Variants in IFT43 observed in about 807,000 individuals in gnomAD.
IFT43 encodes intraflagellar transport protein 43 homolog.
A neutral mutation model predicts 32.3 loss-of-function variants in IFT43; 33 were observed. The ratio of observed to expected loss-of-function variants is 1.02; its 90% CI spans 0.77 to 1.37. IFT43 has a LOEUF of 1.37. IFT43 is among the 40% of genes most tolerant of loss of function. IFT43 has a pLI of 0.00. For missense variants in IFT43, 274 were observed against 265.9 expected (o/e 1.03, Z -0.21); for synonymous variants, 93 against 98.2 (o/e 0.95, Z 0.31).
chr14:76,064,983 G>A (rs748449830), intron 5 of IFT43, among the ~76,000 whole-genome samples: 3 of 152,120 alleles, frequency 2.0e-5, no homozygotes, highest in Non-Finnish European at 4.4e-5. Flanking sequence ...TAGCAAAATC[G>A]TCTGAGCACT....
At position 76,072,407 on chromosome 14, in the gene IFT43, A is replaced by C. The variant is rs373377155; in HGVS notation, c.296-9888A>C. The stretch of plus-strand genomic sequence containing the variant: ...TTGGCAGGGCTAGGCCAGAGTCCCT[A>C]ACTATGCCCTGAAATGTCTGGGTCA... On this transcript the variant is annotated intron_variant, in intron 5 of 8. Transcript: ENST00000314067. Among the ~76,000 whole-genome samples, 7 of 152,298 alleles carry C rather than the reference A, an allele frequency of 4.6e-5. No homozygotes were observed. In the South Asian group the frequency reaches 1.4e-3, roughly 32 times the overall value.
At chr14:76,004,395 TC>T (rs1367317573) in intron 2 of IFT43, among the ~76,000 whole-genome samples, 1 of 152,170 alleles carries the variant, frequency 6.6e-6, no homozygotes, top group African/African-American at 2.4e-5. Context: ...TGGCCATTTT[TC>T]CCCCGATTGT....
intron 3 of IFT43, among the ~76,000 whole-genome samples, chr14:76,045,196 CT>C (rs2140017718): frequency 6.6e-6 from 1 of 152,304 alleles, no homozygotes; most frequent in East Asian, 1.9e-4. Flanking sequence ...CAAGAATTCT[CT>C]TTTCAGGCTA....
chr14:76,082,346 T>C lies in IFT43; in HGVS notation c.347T>C (p.Leu116Ser). Reference sequence around the variant, plus strand: ...GAAGTACAGGAAGAAGACTTTGTTTTGCAGGTGGCAGCCCCTCCCAGGTAG... The same window carrying C: ...GAAGTACAGGAAGAAGACTTTGTTTCGCAGGTGGCAGCCCCTCCCAGGTAG... Reference protein sequence around the residue: ...LEEVQEEDFVLQVAAPPSIQI... With the variant: ...LEEVQEEDFVSQVAAPPSIQI... The change falls in exon 6 of 9, where the codon TTG (leucine) becomes TCG (serine). Residue 116 changes from leucine to serine, a missense_variant. By Grantham distance (145) the Leu-to-Ser change is moderately radical. Coordinates refer to ENST00000314067, the MANE Select transcript of IFT43 (RefSeq NM_001102564.3). 6.2e-7 allele frequency: 1 copy of C among 1,612,864 alleles called. No individual in the cohort carries two copies. Among genetic ancestry groups the C allele is most frequent in the Non-Finnish European group, 8.5e-7 (1 of 1,178,782 alleles).
chr14:75,999,906 G>C lies in IFT43; in HGVS notation c.147+10929G>C, dbSNP rs753992367. Among the ~76,000 whole-genome samples the C allele has an allele frequency of 4.6e-5, 7 of 152,352 alleles. No individual in the cohort carries two copies. The South Asian group carries it at 6.2e-4, about 14-fold the overall frequency. ...GAGCCCACAAAGATTTTAAAGCAAA[G>C]AATGACGTTACCAACTTTGTTTTCT... On this transcript the variant is annotated intron_variant, in intron 2 of 8. Coordinates refer to ENST00000314067, the MANE Select transcript of IFT43 (RefSeq NM_001102564.3).
chr14:76,076,707 T>G (rs2037419640), intron 5 of IFT43: 1 of 1,613,908 alleles, frequency 6.2e-7, no homozygotes, highest in Non-Finnish European at 8.5e-7. Context: ...CTTTTGACTG[T>G]CAGTCTACGG....
chr14:76,002,927 G>T (rs752761816), intron 2 of IFT43, among the ~76,000 whole-genome samples: 3 of 152,216 alleles, frequency 2.0e-5, no homozygotes, highest in African/African-American at 7.2e-5. Flanking sequence ...TGTAGAGAGT[G>T]TGCTGTGAAT....
chr14:76,062,931 A>AGAAAAAAG (rs1555367544), intron 5 of IFT43, among the ~76,000 whole-genome samples: 1 of 70,060 alleles, frequency 1.4e-5, no homozygotes, highest in South Asian at 4.4e-4. Flanking sequence ...AAAAAAAAAA[A>AGAAAAAAG]AAAAAAAAAA....
intron 3 of IFT43, 131 bp from the exon 4 acceptor site, chr14:76,058,511 A>G (rs1016915022): frequency 2.0e-6 from 2 of 995,384 alleles, no homozygotes; most frequent in African/African-American, 3.3e-5. Context: ...GTCTCTAAAG[A>G]GGACTGCAGA....
rs546280038 is a variant in IFT43, at chr14:76,031,234, G to A, written c.215+8840G>A. Among the ~76,000 whole-genome samples, 32 of 152,026 alleles carry A rather than the reference G, an allele frequency of 2.1e-4. No individual in the cohort carries two copies. In the East Asian group the frequency reaches 6.2e-3, roughly 29 times the overall value. On this transcript the variant is annotated intron_variant, in intron 3 of 8. Coordinates refer to ENST00000314067, the MANE Select transcript of IFT43 (RefSeq NM_001102564.3). ...CCCTTTCATTTTAAAAATTGAGATT[G>A]CTGATCCACGTGGAATTTATTTTGG...
chr14:75,988,059 C>A (rs572145538), intron 1 of IFT43, among the ~76,000 whole-genome samples: 2 of 152,338 alleles, frequency 1.3e-5, no homozygotes, highest in South Asian at 2.1e-4. Flanking sequence ...TTACCACCTT[C>A]TTCTCTGACC....
intron 2 of IFT43, among the ~76,000 whole-genome samples, chr14:75,995,051 A>G (rs1008291046): frequency 1.3e-5 from 2 of 152,192 alleles, no homozygotes; most frequent in African/African-American, 4.8e-5. Context: ...CATAGCTTAC[A>G]TTGCAACAGT....
At chr14:76,026,675 T>A (rs2036402859) in intron 3 of IFT43, among the ~76,000 whole-genome samples, 2 of 151,996 alleles carry the variant, frequency 1.3e-5, no homozygotes, top group Admixed American at 1.3e-4. Context: ...GACAGTGTGG[T>A]GATTCTTCAA....
chr14:76,002,968 A>G (rs2035918120), intron 2 of IFT43, among the ~76,000 whole-genome samples: 1 of 152,256 alleles, frequency 6.6e-6, no homozygotes, highest in African/African-American at 2.4e-5. Context: ...AGAAACCGTA[A>G]GGTTGTGATC....
chr14:75,986,190 G>T (rs2139853266), intron 1 of IFT43: 1 of 1,318,552 alleles, frequency 7.6e-7, no homozygotes, highest in African/African-American at 1.5e-5. Flanking sequence ...CCCGGCCGGG[G>T]TCGCACTCGC....
At chr14:76,050,052 C>T (rs1436004196) in intron 3 of IFT43, among the ~76,000 whole-genome samples, 1 of 152,198 alleles carries the variant, frequency 6.6e-6, no homozygotes, top group Non-Finnish European at 1.5e-5. Context: ...AACACCTCAG[C>T]CCCTGCATGC....
intron 2 of IFT43, among the ~76,000 whole-genome samples, chr14:75,999,197 A>G (rs2035803780): frequency 7.0e-6 from 1 of 143,770 alleles, no homozygotes; most frequent in South Asian, 2.1e-4. Context: ...ATTTATATAT[A>G]TATAATATTC....
intron 5 of IFT43, among the ~76,000 whole-genome samples, chr14:76,071,201 C>T (rs1236617128): frequency 6.6e-6 from 1 of 152,188 alleles, no homozygotes; most frequent in Non-Finnish European, 1.5e-5. Flanking sequence ...TCTTTTGTCT[C>T]AGTGCTTTGT....
At chr14:76,012,344 G>A (rs2036101314) in intron 2 of IFT43, among the ~76,000 whole-genome samples, 1 of 152,136 alleles carries the variant, frequency 6.6e-6, no homozygotes. Context: ...AAACAAGTCT[G>A]GCCCTAAAGA....
Sources: gnomAD v4.1 joint callset for allele counts (sites outside exome capture counted in the v4.1 genomes callset) on GRCh38, gnomAD v4.1.1 for gene constraint, MANE v1.5 for transcripts, NCBI Gene and HGNC (gene_info 2026-07-23, HGNC 2026-07-21) for gene names.